ZNF708: variants seen among roughly 807,000 people sequenced by gnomAD.
The protein encoded by ZNF708 is zinc finger protein 708.
In ZNF708, 44 loss-of-function variants were observed where a neutral mutation model predicts 47.0. The observed-to-expected ratio is 0.94, with a 90% CI of 0.74 to 1.20. The LOEUF (loss-of-function observed/expected upper bound fraction) is 1.20. Ranked by LOEUF, ZNF708 falls within the 50% of genes most tolerant of loss-of-function variation. ZNF708 has a pLI of 0.00. For synonymous variants in ZNF708, 184 were observed against 218.5 expected, an observed-to-expected ratio of 0.84 and a Z score of 1.39; for missense variants, 557 against 656.0, an observed-to-expected ratio of 0.85 and a Z score of 1.65.
intron 3 of ZNF708, among the ~76,000 whole-genome samples, chr19:21,307,524 A>G (rs1230364726): frequency 6.6e-6 from 1 of 152,138 alleles, no homozygotes; most frequent in Non-Finnish European, 1.5e-5. Flanking sequence ...CGGGAGGCTG[A>G]AGCACCAGAA....
At chr19:21,301,119 T>C (rs779628966) in intron 3 of ZNF708, among the ~76,000 whole-genome samples, 3 of 152,126 alleles carry the variant, frequency 2.0e-5, no homozygotes, top group African/African-American at 4.8e-5. Context: ...GATTAATATA[T>C]TCATGAAAGA....
Position 21,293,735 on chromosome 19 carries a change from T to C in ZNF708, c.1231A>G (p.Lys411Glu), listed in dbSNP as rs1384537280. 1.2e-6 allele frequency: 2 copies of C among 1,613,548 alleles called. No individual in the cohort carries two copies. The highest frequency in any genetic ancestry group is 4.5e-5 in the East Asian group (2 of 44,836). ...FTKSSTLTYH[K>E]VIHTGKKPYK... Reference sequence around the variant, plus strand: ...GGTTTCTTTCCAGTATGAATTACCTTATGATAAGTAAGAGTTGAGGACTTG... The same window carrying C: ...GGTTTCTTTCCAGTATGAATTACCTCATGATAAGTAAGAGTTGAGGACTTG... Residue 411 changes from lysine to glutamate, a missense_variant, in exon 4 of 4, where the codon AAG (lysine) becomes GAG (glutamate). Physicochemically the swap from Lys to Glu is moderately conservative, Grantham distance 56. Transcript: ENST00000356929.
At chr19:21,310,051 A>T (rs1972864709) in intron 2 of ZNF708, among the ~76,000 whole-genome samples, 1 of 151,802 alleles carries the variant, frequency 6.6e-6, no homozygotes, top group South Asian at 2.1e-4. Flanking sequence ...TCTTAAAAAC[A>T]GGTAGTTGAA....
chr19:21,328,654 G>T (rs934250599), intron 1 of ZNF708, among the ~76,000 whole-genome samples: 14 of 152,260 alleles, frequency 9.2e-5, no homozygotes, highest in Non-Finnish European at 1.5e-5. Flanking sequence ...GTACCTAACC[G>T]ATTATTAAAT....
intron 1 of ZNF708, among the ~76,000 whole-genome samples, chr19:21,321,801 AAAAT>A (rs1191099710): frequency 1.4e-4 from 21 of 152,212 alleles, no homozygotes; most frequent in Non-Finnish European, 2.6e-4. Context: ...CTTCAGTGAA[AAAAT>A]AATTTACACA....
chr19:21,316,470 G>A (rs933829271), intron 1 of ZNF708, among the ~76,000 whole-genome samples: 7 of 152,138 alleles, frequency 4.6e-5, no homozygotes, highest in Non-Finnish European at 1.0e-4. Flanking sequence ...TTCAGAAATT[G>A]GAGCTGCAGA....
At position 21,294,211 on chromosome 19, in the gene ZNF708, TAG is replaced by T. The variant is rs1972475187; in HGVS notation, c.753_754del (p.Tyr252GlnfsTer3). On this transcript the variant is annotated frameshift_variant, in exon 4 of 4. Transcript: ENST00000356929. LOFTEE classifies it high-confidence loss of function. ...AGCTTTGCCACATTCTTCACATTTG[TAG>T]AGTTTCTCTCCAGTATGAATTATCT... 5.6e-6 allele frequency: 9 copies of T among 1,612,874 alleles called. No individual in the cohort carries two copies. Among genetic ancestry groups the T allele is most frequent in the African/African-American group, 1.3e-5 (1 of 74,942 alleles).
intron 3 of ZNF708, among the ~76,000 whole-genome samples, chr19:21,307,158 T>TATAAAATAAA (rs1371433440): frequency 2.6e-5 from 3 of 113,702 alleles, no homozygotes; most frequent in African/African-American, 9.3e-5. Context: ...TAAAATATAA[T>TATAAAATAAA]ATAAAATAAA....
At chr19:21,304,755 A>C (rs1972726511) in intron 3 of ZNF708, among the ~76,000 whole-genome samples, 1 of 152,144 alleles carries the variant, frequency 6.6e-6, no homozygotes, top group Admixed American at 6.5e-5. Flanking sequence ...GCATTTCTGT[A>C]GTCCCAGCTC....
At chr19:21,314,509 A>G (rs1972964730) in intron 1 of ZNF708, among the ~76,000 whole-genome samples, 1 of 152,204 alleles carries the variant, frequency 6.6e-6, no homozygotes. Context: ...AATAAAGCTC[A>G]CAATTTTTTC....
chr19:21,323,248 C>A (rs1260739286), intron 1 of ZNF708, among the ~76,000 whole-genome samples: 2 of 152,180 alleles, frequency 1.3e-5, no homozygotes, highest in Admixed American at 6.5e-5. Context: ...TATCACATAG[C>A]AGACACCGAC....
chr19:21,327,963 A>G, intron 1 of ZNF708: 1 of 1,029,502 alleles, frequency 9.7e-7, no homozygotes, highest in Non-Finnish European at 1.2e-6. Context: ...TCCATACCTC[A>G]GGTTGTCCTC....
intron 3 of ZNF708, among the ~76,000 whole-genome samples, chr19:21,304,638 A>C (rs1021181455): frequency 7.2e-5 from 11 of 152,194 alleles, no homozygotes; most frequent in African/African-American, 2.7e-4. Context: ...CTATAATCTC[A>C]ACACTTTGGG....
Position 21,312,476 on chromosome 19 carries a change from T to C in ZNF708, c.4-1849A>G, listed in dbSNP as rs374153730. Among the ~76,000 whole-genome samples, 6 of 151,736 alleles carry C rather than the reference T, an allele frequency of 4.0e-5. No individual in the cohort carries two copies. The East Asian group carries it at 1.2e-3, about 29-fold the overall frequency. On this transcript the variant is annotated intron_variant, in intron 1 of 3. Coordinates refer to ENST00000356929, the MANE Select transcript of ZNF708 (RefSeq NM_021269.3). ...GAGACTCCATCTCAAAACAAACAAATACAACATGGATGTGTCCACCTGGAG... is the reference window on the plus strand; with the variant it reads ...GAGACTCCATCTCAAAACAAACAAACACAACATGGATGTGTCCACCTGGAG...
chr19:21,294,415 G>A lies in ZNF708; in HGVS notation c.551C>T (p.Thr184Ile). ...TCCAGTATGAATTATCTCATGTTGA[G>A]TTAGTTGTGAAAGCATGCAAAATGA... ...GKSFCMLSQL[T>I]QHEIIHTGEK... The change falls in exon 4 of 4, where the codon ACT becomes ATT. Residue 184 changes from threonine to isoleucine, a missense_variant. Thr to Ile is a moderately conservative substitution (Grantham distance 89). Coordinates refer to ENST00000356929, the MANE Select transcript of ZNF708 (RefSeq NM_021269.3). 3.1e-6 allele frequency: 5 copies of A among 1,614,076 alleles called. No homozygotes were observed. The South Asian group carries it at 3.3e-5, about 11-fold the overall frequency.
chr19:21,313,122 C>CAAAA (rs58696124), intron 1 of ZNF708, among the ~76,000 whole-genome samples: 10 of 134,212 alleles, frequency 7.5e-5, no homozygotes, highest in African/African-American at 2.5e-4. Context: ...ACTAAAAATA[C>CAAAA]AAAAAAAAAA....
At chr19:21,317,566 T>C (rs1205667780) in intron 1 of ZNF708, among the ~76,000 whole-genome samples, 1 of 152,130 alleles carries the variant, frequency 6.6e-6, no homozygotes, top group Non-Finnish European at 1.5e-5. Context: ...TTGGAAAATA[T>C]AACAAGAGAA....
At chr19:21,327,532 C>CA (rs34203181) in intron 1 of ZNF708, among the ~76,000 whole-genome samples, 74,723 of 133,544 alleles carry the variant, frequency 0.56, 20,682 homozygotes, top group Middle Eastern at 0.7. Flanking sequence ...AACTCCACCT[C>CA]AAAAAAAAAA....
In ZNF708 at chr19:21,294,520, AAG is replaced by A; in HGVS notation, c.444_445del (p.Phe149SerfsTer2). 6.2e-7 allele frequency: 1 copy of A among 1,614,156 alleles called. No individual in the cohort carries two copies. The highest frequency in any genetic ancestry group is 8.5e-7 in the Non-Finnish European group (1 of 1,180,026). ...TCTCTTTGCATTTGAATATTTATGAAAGACTTTCACGTATTTGTCACACTGAA... is the reference window on the plus strand; with the variant it reads ...TCTCTTTGCATTTGAATATTTATGAAACTTTCACGTATTTGTCACACTGAA... On this transcript the variant is annotated frameshift_variant, in exon 4 of 4. Coordinates refer to ENST00000356929, the MANE Select transcript of ZNF708 (RefSeq NM_021269.3). LOFTEE classifies it high-confidence loss of function.
Sources: allele counts gnomAD v4.1 joint callset (sites outside exome capture counted in the v4.1 genomes callset), GRCh38; gene constraint gnomAD v4.1.1; transcripts MANE v1.5; gene names NCBI Gene and HGNC (gene_info 2026-07-23, HGNC 2026-07-21).